GNA12: variants seen among roughly 807,000 people sequenced by gnomAD.
GNA12 encodes G protein subunit alpha 12, also known as guanine nucleotide-binding protein subunit alpha-12.
In GNA12, 9 loss-of-function variants were observed where a neutral mutation model predicts 26.0. The observed-to-expected ratio is 0.35, with a 90% confidence interval of 0.21 to 0.60. The LOEUF is 0.60. Among genes scored for constraint, GNA12 ranks in the 20% least tolerant of loss-of-function variants. GNA12 has a pLI of 0.78. For missense variants in GNA12, 405 were observed against 525.8 expected (o/e 0.77, Z 2.25); for synonymous variants, 264 against 219.6 (o/e 1.20, Z -1.79).
At position 2,731,094 on chromosome 7, in the gene GNA12, A is replaced by C; in HGVS notation, c.*87T>G. On this transcript the variant is annotated 3_prime_UTR_variant, in exon 4 of 4. Transcript: ENST00000275364. The surrounding 1 kb of genome is among the most constrained non-coding windows in gnomAD (Gnocchi z 6.0). ...GGGCACGGATCCGAGAAACCCACTC[A>C]AGGACCACACAGACAACACACACCC... The C allele has an allele frequency of 1.1e-6, 1 of 889,374 alleles. No individual in the cohort carries two copies. The highest frequency in any genetic ancestry group is 2.4e-5 in the East Asian group (1 of 41,134). The allele number at this position is 889,374 out of a possible 1,614,324, so 55.1% of individuals were successfully genotyped here. A position where few individuals can be genotyped will look rare whatever the true frequency, so the allele number is the denominator to read the frequency against.
chr7:2,750,064 T>C (rs1790954400), intron 2 of GNA12, among the ~76,000 whole-genome samples: 2 of 152,188 alleles, frequency 1.3e-5, no homozygotes, highest in African/African-American at 4.8e-5. Context: ...ATTCCAAATA[T>C]GATAAGTATG....
At chr7:2,838,368 G>A (rs1029248656) in intron 1 of GNA12, among the ~76,000 whole-genome samples, 1 of 151,572 alleles carries the variant, frequency 6.6e-6, no homozygotes, top group Non-Finnish European at 1.5e-5. Context: ...TTTGAGGCTA[G>A]CAATTCAAGA....
chr7:2,814,237 G>T, intron 1 of GNA12: 1 of 807,734 alleles, frequency 1.2e-6, no homozygotes, highest in South Asian at 1.3e-5. Flanking sequence ...TATCCTGTTG[G>T]CTGTGCTTCT....
At chr7:2,818,759 GAA>G (rs71026564) in intron 1 of GNA12, among the ~76,000 whole-genome samples, 4 of 114,748 alleles carry the variant, frequency 3.5e-5, no homozygotes, top group Admixed American at 9.5e-5. Context: ...ACCCTAACTT[GAA>G]AAAAAAAAAA....
Position 2,773,459 on chromosome 7 carries a change from G to A in GNA12, c.525+21469C>T, listed in dbSNP as rs182161799. ...CATCTGTAATCCCAGCTACTCGGGA[G>A]GCTGAGGCAGGAGAATTGCTTGAAC... On this transcript the variant is annotated intron_variant, in intron 2 of 3. Coordinates refer to ENST00000275364, the MANE Select transcript of GNA12 (RefSeq NM_007353.3). 8.7e-4 allele frequency among the ~76,000 whole-genome samples: 133 copies of A among 152,286 alleles called. 3 individuals are homozygous for A. The highest frequency in any genetic ancestry group is 3.7e-4 in the Non-Finnish European group (25 of 68,022).
intron 2 of GNA12, among the ~76,000 whole-genome samples, chr7:2,749,884 A>T (rs79538422): frequency 0.017 from 2,529 of 152,284 alleles, 91 homozygotes; most frequent in African/African-American, 0.058. Context: ...AAAAAAGATA[A>T]AGAATGAGGT....
chr7:2,781,086 G>A (rs968578400), intron 2 of GNA12, among the ~76,000 whole-genome samples: 1 of 152,186 alleles, frequency 6.6e-6, no homozygotes, highest in Non-Finnish European at 1.5e-5. Context: ...TCTCAGAAGT[G>A]CCTATTGAAA....
chr7:2,826,248 G>A (rs547501360), intron 1 of GNA12, among the ~76,000 whole-genome samples: 1 of 151,942 alleles, frequency 6.6e-6, no homozygotes, highest in Non-Finnish European at 1.5e-5. Context: ...CTTGGTGGTG[G>A]ATGCCTGTAA....
rs193070883 is a variant in GNA12, at chr7:2,787,599, C to T, written c.525+7329G>A. Among the ~76,000 whole-genome samples the T allele has an allele frequency of 8.5e-5, 13 of 152,342 alleles. No individual in the cohort carries two copies. The East Asian group carries it at 2.1e-3, about 25-fold the overall frequency. On this transcript the variant is annotated intron_variant, in intron 2 of 3. Coordinates refer to ENST00000275364, the MANE Select transcript of GNA12 (RefSeq NM_007353.3). ...CGGGAAACGCCACTCTGGGAAGCTA[C>T]GTTGGTGAGAGCTAAAGCCAAGACA...
At chr7:2,759,467 A>C (rs1040881720) in intron 2 of GNA12, among the ~76,000 whole-genome samples, 1 of 152,218 alleles carries the variant, frequency 6.6e-6, no homozygotes, top group Admixed American at 6.5e-5. Context: ...TGGTTAAATA[A>C]CATGCCCAAG....
intron 1 of GNA12, among the ~76,000 whole-genome samples, chr7:2,802,072 G>C (rs2115468074): frequency 6.6e-6 from 1 of 152,040 alleles, no homozygotes; most frequent in South Asian, 2.1e-4. Flanking sequence ...AAACACAAAA[G>C]CCAAGAAAAT....
At chr7:2,744,278 C>T (rs1056334078) in intron 2 of GNA12, among the ~76,000 whole-genome samples, 2 of 152,150 alleles carry the variant, frequency 1.3e-5, no homozygotes, top group African/African-American at 4.8e-5. Context: ...CCAGTAGGGG[C>T]GGACTGACAC....
chr7:2,786,092 G>A (rs574254413), intron 2 of GNA12, among the ~76,000 whole-genome samples: 50 of 152,236 alleles, frequency 3.3e-4, no homozygotes, highest in Non-Finnish European at 4.4e-4. Flanking sequence ...GGAAAGGGGC[G>A]GCATGAGGGA....
intron 1 of GNA12, among the ~76,000 whole-genome samples, chr7:2,809,446 A>T (rs1392481716): frequency 2.6e-5 from 4 of 152,232 alleles, no homozygotes; most frequent in Non-Finnish European, 5.9e-5. Flanking sequence ...TGTATTTTTC[A>T]TTGGAAATTC....
Position 2,731,543 on chromosome 7 carries a change from T to G in GNA12, c.784A>C (p.Met262Leu). ...VSSSEYDQVLMEDRRTNRLVE... is the reference protein window; with the variant it reads ...VSSSEYDQVLLEDRRTNRLVE... ...AGCCGGTTGGTGCGCCTGTCCTCCA[T>G]GAGGACCTGGTCGTACTCGCTGGAG... The change falls in exon 4 of 4, where the codon ATG becomes CTG. Residue 262 changes from methionine to leucine, a missense_variant. Physicochemically the swap from Met to Leu is conservative, Grantham distance 15. Transcript: ENST00000275364. This position sits in a 1 kb window ranked among gnomAD's most constrained non-coding sequence, Gnocchi z 6.0. 6.2e-7 allele frequency: 1 copy of G among 1,611,268 alleles called. No homozygotes were observed. Among genetic ancestry groups the G allele is most frequent in the Non-Finnish European group, 8.5e-7 (1 of 1,177,960 alleles).
At chr7:2,780,569 T>A (rs4719676) in intron 2 of GNA12, among the ~76,000 whole-genome samples, 1 of 152,040 alleles carries the variant, frequency 6.6e-6, no homozygotes, top group Non-Finnish European at 1.5e-5. Context: ...TTTTATCTCC[T>A]GTGTATGCAC....
intron 1 of GNA12, among the ~76,000 whole-genome samples, chr7:2,814,586 AT>A (rs1329165462): frequency 1.3e-5 from 2 of 149,544 alleles, no homozygotes; most frequent in Non-Finnish European, 3.0e-5. Flanking sequence ...GGACCATCCT[AT>A]TTAAAGCCGC....
chr7:2,821,784 G>A (rs908905552), intron 1 of GNA12, among the ~76,000 whole-genome samples: 6 of 152,228 alleles, frequency 3.9e-5, no homozygotes, highest in Non-Finnish European at 5.9e-5. Context: ...TTCCTGCTTA[G>A]TGGAATCCTG....
intron 2 of GNA12, among the ~76,000 whole-genome samples, chr7:2,794,026 G>C (rs566497541): frequency 1.3e-5 from 2 of 152,286 alleles, no homozygotes; most frequent in Admixed American, 1.3e-4. Context: ...GGGAAGAACC[G>C]CTGCTATGTG....
Sources: allele counts gnomAD v4.1 joint callset (sites outside exome capture counted in the v4.1 genomes callset), GRCh38; gene constraint gnomAD v4.1.1; non-coding constraint Gnocchi (gnomAD v3.1); transcripts MANE v1.5; gene names NCBI Gene and HGNC (gene_info 2026-07-23, HGNC 2026-07-21).